TTC7B: variants seen among roughly 807,000 people sequenced by gnomAD.
TTC7B encodes the protein tetratricopeptide repeat domain 7B, also known as tetratricopeptide repeat protein 7B.
Under a neutral mutation model 106.8 loss-of-function variants are expected in TTC7B, and 28 were observed. The ratio of observed to expected loss-of-function variants is 0.26; its 90% CI spans 0.19 to 0.36. The LOEUF is 0.36. Ranked by LOEUF, TTC7B falls within the 10% of genes least tolerant of loss-of-function variation. The pLI is 1.00. For synonymous variants in TTC7B, 405 were observed against 430.6 expected (o/e 0.94, Z 0.74); for missense variants, 862 against 1,076.4 (o/e 0.80, Z 2.79).
At chr14:90,640,268 T>C (rs1885116584) in intron 15 of TTC7B, among the ~76,000 whole-genome samples, 1 of 138,488 alleles carries the variant, frequency 7.2e-6, no homozygotes, top group Non-Finnish European at 1.6e-5. Flanking sequence ...TGAGGCCCTG[T>C]CTCAAAACAA....
rs1286593202 is a variant in TTC7B, at chr14:90,807,079, A to G, written c.121+9096T>C. Among the ~76,000 whole-genome samples, 1 of 152,078 alleles carries G rather than the reference A, an allele frequency of 6.6e-6. No individual in the cohort carries two copies. The highest frequency in any genetic ancestry group is 1.5e-5 in the Non-Finnish European group (1 of 68,022). On this transcript the variant is annotated intron_variant, in intron 1 of 19. Coordinates refer to ENST00000328459, the MANE Select transcript of TTC7B (RefSeq NM_001010854.2). This position sits in a 1 kb window ranked among gnomAD's most constrained non-coding sequence, Gnocchi z 4.1. Reference sequence around the variant, plus strand: ...GCTAAAATACCTCTATCTACCTGAAAGACTACCGTTCCACTTGCCCAGGAC... The same window carrying G: ...GCTAAAATACCTCTATCTACCTGAAGGACTACCGTTCCACTTGCCCAGGAC...
At chr14:90,551,607 G>A (rs879258433) in intron 19 of TTC7B, among the ~76,000 whole-genome samples, 7 of 152,086 alleles carry the variant, frequency 4.6e-5, no homozygotes, top group African/African-American at 7.2e-5. Context: ...GGGTGGCAGC[G>A]GTAGTGTTTT....
chr14:90,766,660 G>C, intron 3 of TTC7B: 1 of 1,261,020 alleles, frequency 7.9e-7, no homozygotes, highest in Non-Finnish European at 1.2e-6. Context: ...TGTTCATGTG[G>C]TGTTGAGGAA....
chr14:90,569,481 C>T (rs986440105), intron 19 of TTC7B, among the ~76,000 whole-genome samples: 1 of 152,116 alleles, frequency 6.6e-6, no homozygotes, highest in Non-Finnish European at 1.5e-5. Context: ...GGAGGAGGGG[C>T]CTGATGTCTA....
In TTC7B at chr14:90,577,005, A is replaced by T. The variant is rs182630238; in HGVS notation, c.2310+1101T>A. 8.3e-4 allele frequency among the ~76,000 whole-genome samples: 126 copies of T among 152,246 alleles called. No individual in the cohort carries two copies. Among genetic ancestry groups the T allele is most frequent in the Non-Finnish European group, 1.5e-3 (99 of 68,018 alleles). Reference sequence around the variant, plus strand: ...CCTGAGGTTAAAGAGCAAGCAGCTGATGTCGCTGGGACCAGAACTGTGTCC... The same window carrying T: ...CCTGAGGTTAAAGAGCAAGCAGCTGTTGTCGCTGGGACCAGAACTGTGTCC... On this transcript the variant is annotated intron_variant, in intron 19 of 19. Coordinates refer to ENST00000328459, the MANE Select transcript of TTC7B (RefSeq NM_001010854.2). This position sits in a 1 kb window ranked among gnomAD's most constrained non-coding sequence, Gnocchi z 5.0.
intron 5 of TTC7B, among the ~76,000 whole-genome samples, chr14:90,724,072 C>T (rs1888997154): frequency 1.3e-5 from 2 of 152,172 alleles, no homozygotes; most frequent in African/African-American, 4.8e-5. Flanking sequence ...CTCTACCAAC[C>T]ACTGGAACGT....
chr14:90,756,531 C>T (rs1361227102), intron 3 of TTC7B, among the ~76,000 whole-genome samples: 1 of 151,704 alleles, frequency 6.6e-6, no homozygotes, highest in Non-Finnish European at 1.5e-5. Flanking sequence ...GTAGCTGGGA[C>T]TACAGGCGTG....
intron 17 of TTC7B, among the ~76,000 whole-genome samples, chr14:90,606,045 A>G (rs1892624326): frequency 6.6e-6 from 1 of 152,238 alleles, no homozygotes; most frequent in Non-Finnish European, 1.5e-5. Flanking sequence ...TGAAAATAAT[A>G]CATCTTTAGC....
intron 15 of TTC7B, among the ~76,000 whole-genome samples, chr14:90,635,788 A>G (rs1426764192): frequency 6.7e-6 from 1 of 149,166 alleles, no homozygotes; most frequent in Non-Finnish European, 1.5e-5. Flanking sequence ...TTATCTATAT[A>G]TAATAAGCAG....
chr14:90,563,726 A>T (rs190312293), intron 19 of TTC7B, among the ~76,000 whole-genome samples: 1 of 152,330 alleles, frequency 6.6e-6, no homozygotes, highest in Admixed American at 6.5e-5. Context: ...ATCCTCTCTA[A>T]CCCTGCTGCT....
chr14:90,647,180 AC>A (rs1885495961), intron 13 of TTC7B, 157 bp from the exon 14 acceptor site: 1 of 650,626 alleles, frequency 1.5e-6, no homozygotes. Context: ...TTGTCCACCT[AC>A]ACATGTAAAC....
intron 7 of TTC7B, among the ~76,000 whole-genome samples, chr14:90,681,495 A>G (rs796260045): frequency 3.4e-4 from 52 of 152,220 alleles, no homozygotes; most frequent in African/African-American, 1.2e-3. Flanking sequence ...AGGCAAAAAA[A>G]AAAAAGGATT....
rs1443728830 is a variant in TTC7B, at chr14:90,577,125, G to T, written c.2310+981C>A. On this transcript the variant is annotated intron_variant, in intron 19 of 19. Coordinates refer to ENST00000328459, the MANE Select transcript of TTC7B (RefSeq NM_001010854.2). The surrounding 1 kb of genome is among the most constrained non-coding windows in gnomAD (Gnocchi z 5.0). ...CACGGGTGCGGACACGAAGGGCCCT[G>T]AGCTTTATAATAAAAGGCTCTTCTT... Among the ~76,000 whole-genome samples, 1 of 152,174 alleles carries T rather than the reference G, an allele frequency of 6.6e-6. No homozygotes were observed. The highest frequency in any genetic ancestry group is 1.5e-5 in the Non-Finnish European group (1 of 68,030).
intron 5 of TTC7B, among the ~76,000 whole-genome samples, chr14:90,708,346 C>T (rs1254602329): frequency 6.6e-6 from 1 of 152,126 alleles, no homozygotes; most frequent in African/African-American, 2.4e-5. Context: ...GAGAAGTCAA[C>T]GCCTGGCTAC....
At chr14:90,733,403 A>G (rs1004980792) in intron 4 of TTC7B, among the ~76,000 whole-genome samples, 14 of 152,186 alleles carry the variant, frequency 9.2e-5, no homozygotes, top group African/African-American at 3.4e-4. Context: ...AGCAAAGTCC[A>G]AAACACAAGG....
At position 90,577,907 on chromosome 14, in the gene TTC7B, C is replaced by T. The variant is rs890081317; in HGVS notation, c.2310+199G>A. ...CGGGTAGGGCTGCTGAGGCTATACACAGCCAACTCTGGGGGTGCCATTTGC... is the reference window on the plus strand; with the variant it reads ...CGGGTAGGGCTGCTGAGGCTATACATAGCCAACTCTGGGGGTGCCATTTGC... On this transcript the variant is annotated intron_variant, in intron 19 of 19. Coordinates refer to ENST00000328459, the MANE Select transcript of TTC7B (RefSeq NM_001010854.2). The surrounding 1 kb of genome is among the most constrained non-coding windows in gnomAD (Gnocchi z 5.0). Among the ~76,000 whole-genome samples, 5 of 152,240 alleles carry T rather than the reference C, an allele frequency of 3.3e-5. No homozygotes were observed. Among genetic ancestry groups the T allele is most frequent in the African/African-American group, 4.8e-5 (2 of 41,472 alleles).
intron 1 of TTC7B, among the ~76,000 whole-genome samples, chr14:90,796,900 T>C (rs1230566878): frequency 2.0e-5 from 3 of 150,876 alleles, no homozygotes; most frequent in Non-Finnish European, 4.4e-5. Flanking sequence ...CAGGCTGGAG[T>C]GCAGTGGCAC....
intron 4 of TTC7B, among the ~76,000 whole-genome samples, chr14:90,735,506 C>CAA (rs202005793): frequency 5.5e-4 from 61 of 110,918 alleles, no homozygotes; most frequent in African/African-American, 1.4e-3. Context: ...GACCTTGTCT[C>CAA]AAAAAAAAAA....
At chr14:90,714,116 G>C (rs559101275) in intron 5 of TTC7B, among the ~76,000 whole-genome samples, 1 of 152,188 alleles carries the variant, frequency 6.6e-6, no homozygotes, top group Non-Finnish European at 1.5e-5. Flanking sequence ...TATAATCCCA[G>C]CTACTTGGGA....
Sources: allele counts gnomAD v4.1 joint callset (sites outside exome capture counted in the v4.1 genomes callset), GRCh38; gene constraint gnomAD v4.1.1; non-coding constraint Gnocchi (gnomAD v3.1); transcripts MANE v1.5; gene names NCBI Gene and HGNC (gene_info 2026-07-23, HGNC 2026-07-21).